The following RPGRIP1L variants were observed in gnomAD, a reference collection of about 807,000 sequenced individuals.
RPGRIP1L encodes RPGRIP1 like, also known as protein fantom.
Under a neutral mutation model 160.4 loss-of-function variants are expected in RPGRIP1L, and 131 were observed. The observed-to-expected ratio is 0.82, with a 90% confidence interval of 0.71 to 0.94. RPGRIP1L has a LOEUF of 0.94. RPGRIP1L is among the 40% of genes least tolerant of loss of function. RPGRIP1L has a pLI of 0.00. For synonymous variants in RPGRIP1L, 510 were observed against 515.8 expected, an observed-to-expected ratio of 0.99 and a Z score of 0.15; for missense variants, 1,522 against 1,535.8, an observed-to-expected ratio of 0.99 and a Z score of 0.15.
At chr16:53,640,365 G>C (rs1351715205) in intron 19 of RPGRIP1L, among the ~76,000 whole-genome samples, 1 of 152,086 alleles carries the variant, frequency 6.6e-6, no homozygotes, top group African/African-American at 2.4e-5. Context: ...GTGAGGTCTA[G>C]ACTAAAGATT....
At chr16:53,620,721 G>A (rs1010299304) in intron 23 of RPGRIP1L, among the ~76,000 whole-genome samples, 10 of 152,146 alleles carry the variant, frequency 6.6e-5, no homozygotes, top group Non-Finnish European at 1.5e-5. Flanking sequence ...AGCCCTCTCC[G>A]TTCACGTGCA....
chr16:53,686,099 G>C (rs898779399), intron 6 of RPGRIP1L, among the ~76,000 whole-genome samples: 2 of 152,180 alleles, frequency 1.3e-5, no homozygotes, highest in African/African-American at 4.8e-5. Flanking sequence ...CAACAGTTGA[G>C]TTCTTGTCAC....
chr16:53,684,586 A>G (rs1969853606), intron 6 of RPGRIP1L, among the ~76,000 whole-genome samples: 1 of 151,158 alleles, frequency 6.6e-6, no homozygotes, highest in Non-Finnish European at 1.5e-5. Flanking sequence ...CACACCAGGG[A>G]CTGTTATGGG....
At chr16:53,646,028 T>C (rs765154589) in intron 16 of RPGRIP1L, 25 bp from the exon 17 acceptor site, 2 of 1,609,776 alleles carry the variant, frequency 1.2e-6, no homozygotes, top group Non-Finnish European at 1.7e-6. Context: ...ATATTTATAT[T>C]AAGGAAATAA....
intron 6 of RPGRIP1L, among the ~76,000 whole-genome samples, chr16:53,678,978 T>TTCA (rs1969408008): frequency 2.0e-5 from 3 of 152,186 alleles, no homozygotes; most frequent in Admixed American, 2.0e-4. Context: ...GCTAGTAAAC[T>TTCA]GAATAGAATA....
chr16:53,622,170 A>G (rs1964770670), intron 23 of RPGRIP1L, 49 bp downstream of exon 23: 1 of 550,710 alleles, frequency 1.8e-6, no homozygotes, highest in Non-Finnish European at 3.3e-6. Flanking sequence ...TGAGACCAGC[A>G]TGGCCAACAT....
At chr16:53,643,461 C>T (rs545714530) in intron 17 of RPGRIP1L, among the ~76,000 whole-genome samples, 2 of 152,090 alleles carry the variant, frequency 1.3e-5, no homozygotes, top group Non-Finnish European at 2.9e-5. Context: ...AATGAGAGGT[C>T]TAGTCAATTC....
At chr16:53,630,939 G>C (rs1965478694) in intron 22 of RPGRIP1L, among the ~76,000 whole-genome samples, 3 of 152,058 alleles carry the variant, frequency 2.0e-5, no homozygotes, top group Admixed American at 6.5e-5. Context: ...CACCATGTTG[G>C]TTGGGCTGGT....
chr16:53,678,117 T>C (rs1969324087), intron 6 of RPGRIP1L, among the ~76,000 whole-genome samples: 1 of 151,638 alleles, frequency 6.6e-6, no homozygotes, highest in African/African-American at 2.4e-5. Flanking sequence ...AGTTGGAAAA[T>C]GCAGTTTCTT....
rs1039976428 is a variant in RPGRIP1L at position 53,663,788 on chromosome 16, C to T, written c.1243+1082G>A. On this transcript the variant is annotated intron_variant, in intron 10 of 26. Coordinates refer to ENST00000647211, the MANE Select transcript of RPGRIP1L (RefSeq NM_015272.5). ...CTAGTGTGTTTCATTGAAATTAAGACTCCATTGATTATGTGTTCCAATTTC... is the reference window on the plus strand; with the variant it reads ...CTAGTGTGTTTCATTGAAATTAAGATTCCATTGATTATGTGTTCCAATTTC... 3.9e-4 allele frequency among the ~76,000 whole-genome samples: 60 copies of T among 152,020 alleles called. 2 individuals are homozygous for T. Among genetic ancestry groups the T allele is most frequent in the Non-Finnish European group, 1.2e-4 (8 of 67,954 alleles).
At chr16:53,610,938 A>G in intron 25 of RPGRIP1L, 29 bp downstream of exon 25, 1 of 1,492,888 alleles carries the variant, frequency 6.7e-7, no homozygotes, top group Non-Finnish European at 9.3e-7. Flanking sequence ...TATGTAAACC[A>G]TTAGATTATT....
At chr16:53,689,326 A>G (rs1432694803) in intron 4 of RPGRIP1L, among the ~76,000 whole-genome samples, 1 of 152,056 alleles carries the variant, frequency 6.6e-6, no homozygotes, top group East Asian at 1.9e-4. Context: ...GCTATAAAAC[A>G]CTAGAACTTT....
intron 12 of RPGRIP1L, among the ~76,000 whole-genome samples, chr16:53,658,098 A>C (rs936366268): frequency 6.6e-6 from 1 of 152,190 alleles, no homozygotes; most frequent in Non-Finnish European, 1.5e-5. Flanking sequence ...GATGAGTTAA[A>C]TAGTGAAGCA....
intron 6 of RPGRIP1L, among the ~76,000 whole-genome samples, chr16:53,678,921 A>G (rs1365207220): frequency 6.6e-6 from 1 of 152,212 alleles, no homozygotes; most frequent in Non-Finnish European, 1.5e-5. Flanking sequence ...TACACAGATA[A>G]CAATCAGCAG....
intron 22 of RPGRIP1L, among the ~76,000 whole-genome samples, chr16:53,623,870 T>G (rs1307932089): frequency 1.3e-5 from 2 of 152,202 alleles, no homozygotes; most frequent in Non-Finnish European, 2.9e-5. Context: ...TAGTGGAGAC[T>G]GTGTATCTTT....
chr16:53,647,770 G>C (rs1341074352), intron 16 of RPGRIP1L, among the ~76,000 whole-genome samples: 1 of 152,142 alleles, frequency 6.6e-6, no homozygotes, highest in African/African-American at 2.4e-5. Flanking sequence ...TTATCCCTCT[G>C]TTACTCAATG....
intron 9 of RPGRIP1L, among the ~76,000 whole-genome samples, chr16:53,667,009 G>A (rs1026306204): frequency 1.3e-5 from 2 of 152,096 alleles, no homozygotes; most frequent in Admixed American, 6.6e-5. Context: ...ACTATAAATG[G>A]TGAACCACAT....
chr16:53,604,916 G>A (rs1345247620), intron 26 of RPGRIP1L, among the ~76,000 whole-genome samples: 1 of 152,154 alleles, frequency 6.6e-6, no homozygotes, highest in African/African-American at 2.4e-5. Flanking sequence ...GGTGGCTCAC[G>A]CCTGTAGTCC....
In RPGRIP1L at chr16:53,602,144, C is replaced by T. The variant is rs1203979901; in HGVS notation, c.3880G>A (p.Val1294Ile). Residue 1294 changes from valine to isoleucine, a missense_variant, in exon 27 of 27, where the codon GTA (valine) becomes ATA (isoleucine). Physicochemically the swap from Val to Ile is conservative, Grantham distance 29. Transcript: ENST00000647211. ...AGGGCATGGAGAGCTTCGACTGTTACCCTGAGCTTGCCAATACCTTCACCA... is the reference window on the plus strand; with the variant it reads ...AGGGCATGGAGAGCTTCGACTGTTATCCTGAGCTTGCCAATACCTTCACCA... ...ADGEGIGKLRVTVEALHALQS... is the reference protein window; with the variant it reads ...ADGEGIGKLRITVEALHALQS... 2 of 1,613,984 alleles carry T rather than the reference C, an allele frequency of 1.2e-6. No individual in the cohort carries two copies. Among genetic ancestry groups the T allele is most frequent in the Admixed American group, 1.7e-5 (1 of 60,016 alleles).
Sources: allele counts gnomAD v4.1 joint callset (sites outside exome capture counted in the v4.1 genomes callset), GRCh38; gene constraint gnomAD v4.1.1; transcripts MANE v1.5; gene names NCBI Gene and HGNC (gene_info 2026-07-23, HGNC 2026-07-21).